Variants in SSH1 observed in about 807,000 individuals in gnomAD.
SSH1 encodes the protein slingshot protein phosphatase 1, also known as protein phosphatase Slingshot homolog 1.
Under a neutral mutation model 79.7 loss-of-function variants are expected in SSH1, and 43 were observed. The ratio of observed to expected loss-of-function variants is 0.54; its 90% confidence interval spans 0.42 to 0.70. The LOEUF is 0.70. Ranked by LOEUF, SSH1 falls within the 30% of genes least tolerant of loss-of-function variation. The probability of loss-of-function intolerance (pLI) is 0.00; values close to 1 mark genes in which losing one functional copy is unlikely to be tolerated. For synonymous variants in SSH1, 599 were observed against 538.3 expected, an observed-to-expected ratio of 1.11 and a Z score of -1.56; for missense variants, 1,206 against 1,358.8, an observed-to-expected ratio of 0.89 and a Z score of 1.77.
In SSH1 at chr12:108,792,803, C is replaced by T. The variant is rs781444832; in HGVS notation, c.1376G>A (p.Arg459His). 3.7e-5 allele frequency: 60 copies of T among 1,613,614 alleles called. No individual in the cohort carries two copies. Among genetic ancestry groups the T allele is most frequent in the Middle Eastern group, 1.7e-4 (1 of 6,020 alleles). ...ASKQRHNKLW[R>H]QQTDSSLQQP... ...CTGGAGGCTGCTGTCTGTCTGCTGA[C>T]GCCACAGCTTGTTGTGCCGCTGTTT... The change falls in exon 14 of 15, where the codon CGT becomes CAT. Residue 459 changes from arginine (R) to histidine (H), a missense_variant. By Grantham distance (29) the Arg-to-His change is conservative. This residue lies in a region of SSH1 where 166 missense variants were observed against 262.9 expected (regional missense o/e 0.63). Coordinates refer to ENST00000326495, the MANE Select transcript of SSH1 (RefSeq NM_018984.4).
chr12:108,823,394 C>T (rs367631035), intron 2 of SSH1, 33 bp from the exon 3 acceptor site: 21 of 1,522,884 alleles, frequency 1.4e-5, no homozygotes, highest in Admixed American at 7.8e-5. Context: ...ACAGTTAGAC[C>T]GGAATTCAGA....
Position 108,792,966 on chromosome 12 carries a change from G to T in SSH1, c.1350-137C>A, listed in dbSNP as rs2036579154. The T allele has an allele frequency of 1.3e-5, 13 of 1,007,946 alleles. 1 individual carries two copies. In the South Asian group the frequency reaches 1.9e-4, roughly 15 times the overall value. 62.4% of individuals were successfully genotyped at this position (1,007,946 alleles called of 1,614,324 possible). A position where few individuals can be genotyped will look rare whatever the true frequency, so the allele number is the denominator to read the frequency against. Reference sequence around the variant, plus strand: ...ACGATCCATGGCTCATTCAGGTAAAGCCTCTCTCTGTTCATTTGTTCCCAA... The same window carrying T: ...ACGATCCATGGCTCATTCAGGTAAATCCTCTCTCTGTTCATTTGTTCCCAA... On this transcript the variant is annotated intron_variant, in intron 13 of 14. Coordinates refer to ENST00000326495, the MANE Select transcript of SSH1 (RefSeq NM_018984.4).
In SSH1 at chr12:108,782,191, G is replaced by A. The variant is rs2036153728; in HGVS notation, c.*5797C>T. ...ATGGAAGCAGCTCTGCCTCCTGAGTGTCCAAGGGAGAAGAGCCACCAAAAG... is the reference window on the plus strand; with the variant it reads ...ATGGAAGCAGCTCTGCCTCCTGAGTATCCAAGGGAGAAGAGCCACCAAAAG... On this transcript the variant is annotated 3_prime_UTR_variant, in exon 15 of 15. Coordinates refer to ENST00000326495, the MANE Select transcript of SSH1 (RefSeq NM_018984.4). 1 of 151,046 alleles carries A rather than the reference G, an allele frequency of 6.6e-6. No homozygotes were observed. The highest frequency in any genetic ancestry group is 2.4e-5 in the African/African-American group (1 of 41,098). 9.4% of individuals were successfully genotyped at this position (151,046 alleles called of 1,614,324 possible). A position where few individuals can be genotyped will look rare whatever the true frequency, so the allele number is the denominator to read the frequency against.
chr12:108,837,818 G>A (rs138777160), intron 2 of SSH1, among the ~76,000 whole-genome samples: 2 of 150,866 alleles, frequency 1.3e-5, no homozygotes, highest in Non-Finnish European at 2.9e-5. Flanking sequence ...TTACTCTGTC[G>A]CCCAGGCTGG....
At chr12:108,835,458 A>C (rs1316229180) in intron 2 of SSH1, among the ~76,000 whole-genome samples, 1 of 151,998 alleles carries the variant, frequency 6.6e-6, no homozygotes, top group Non-Finnish European at 1.5e-5. Context: ...AAAACAAACA[A>C]ACACTGAGGC....
chr12:108,818,309 A>G lies in SSH1; in HGVS notation c.219T>C (p.Asp73=), dbSNP rs932133014. The G allele has an allele frequency of 1.9e-6, 3 of 1,613,774 alleles. No individual in the cohort carries two copies. In the African/African-American group the frequency reaches 4.0e-5, roughly 22 times the overall value. ...TCATCACCTGAAGATGTTGAGGCAG[A>G]TCACCTGTTGGACCAATAAAGAAAG... is the stretch of plus-strand genomic sequence containing the variant. ...SLQHPHKHAG[D]LPQHLQVMIN... Residue 73 remains aspartate (D), a synonymous_variant, in exon 4 of 15, where the codon GAT becomes GAC. Coordinates refer to ENST00000326495, the MANE Select transcript of SSH1 (RefSeq NM_018984.4).
chr12:108,814,997 G>A (rs939911378), intron 5 of SSH1, among the ~76,000 whole-genome samples: 4 of 152,222 alleles, frequency 2.6e-5, no homozygotes, highest in Admixed American at 6.5e-5. Context: ...TGTGTCTGCC[G>A]TGCTCCCTGA....
At chr12:108,827,800 G>T (rs1346855601) in intron 2 of SSH1, among the ~76,000 whole-genome samples, 2 of 152,180 alleles carry the variant, frequency 1.3e-5, no homozygotes, top group African/African-American at 4.8e-5. Context: ...TTTACCCAAC[G>T]GTGACGGTGA....
chr12:108,819,755 G>C (rs1400703506), intron 3 of SSH1, among the ~76,000 whole-genome samples: 2 of 152,102 alleles, frequency 1.3e-5, no homozygotes, highest in Non-Finnish European at 2.9e-5. Flanking sequence ...CTGGAGCCCA[G>C]GAGTTTGAGA....
Position 108,813,406 on chromosome 12 carries a change from C to A in SSH1, c.402-2078G>T, listed in dbSNP as rs562796120. Among the ~76,000 whole-genome samples, 3 of 152,012 alleles carry A rather than the reference C, an allele frequency of 2.0e-5. No homozygotes were observed. In the South Asian group the frequency reaches 6.2e-4, roughly 32 times the overall value. On this transcript the variant is annotated intron_variant, in intron 5 of 14. Transcript: ENST00000326495. ...TACACTCATGGCATTCAAAATGTTC[C>A]CAATCCGAATCGAAAACATAATCCT...
At chr12:108,819,124 T>G (rs1427193611) in intron 3 of SSH1, among the ~76,000 whole-genome samples, 1 of 152,092 alleles carries the variant, frequency 6.6e-6, no homozygotes, top group African/African-American at 2.4e-5. Flanking sequence ...CGGGGGGAAA[T>G]GTTTAAGTGA....
chr12:108,833,357 C>A (rs372124032), intron 2 of SSH1, among the ~76,000 whole-genome samples: 1 of 152,132 alleles, frequency 6.6e-6, no homozygotes, highest in Non-Finnish European at 1.5e-5. Flanking sequence ...CTGCACTGTG[C>A]GGGAAATGCT....
At chr12:108,815,707 C>T (rs2037852883) in intron 5 of SSH1, among the ~76,000 whole-genome samples, 2 of 152,216 alleles carry the variant, frequency 1.3e-5, no homozygotes, top group South Asian at 4.1e-4. Context: ...CATCCGAACA[C>T]CTCCTATGCT....
intron 2 of SSH1, chr12:108,827,415 A>G (rs1440539176): frequency 5.0e-6 from 7 of 1,408,398 alleles, no homozygotes; most frequent in Non-Finnish European, 3.7e-6. Context: ...TCTGCTCCCT[A>G]TGGAGATCAG....
chr12:108,826,177 C>T (rs1472349887), intron 2 of SSH1: 2 of 453,668 alleles, frequency 4.4e-6, no homozygotes, highest in East Asian at 1.4e-4. Context: ...AGCAAAAATT[C>T]CCCTTGGTTT....
At chr12:108,839,665 A>C (rs998631762) in intron 2 of SSH1, among the ~76,000 whole-genome samples, 1 of 152,160 alleles carries the variant, frequency 6.6e-6, no homozygotes, top group African/African-American at 2.4e-5. Flanking sequence ...AAATAGCTTC[A>C]AAAGTAACCA....
chr12:108,795,072 C>G (rs566583998), intron 13 of SSH1, among the ~76,000 whole-genome samples: 4 of 152,274 alleles, frequency 2.6e-5, no homozygotes, highest in African/African-American at 9.6e-5. Context: ...CATCCTTTCC[C>G]CTTAAAATTT....
chr12:108,850,875 G>A (rs559505806), intron 2 of SSH1, among the ~76,000 whole-genome samples: 89 of 149,222 alleles, frequency 6.0e-4, no homozygotes, highest in African/African-American at 2.1e-3. Flanking sequence ...GGGGAGATTT[G>A]GGGGGAAGGG....
chr12:108,803,868 T>TA (rs771649203), intron 10 of SSH1, among the ~76,000 whole-genome samples: 1 of 152,240 alleles, frequency 6.6e-6, no homozygotes, highest in South Asian at 2.1e-4. Flanking sequence ...AGAAATGTAT[T>TA]AAAAAATATA....
Sources: allele counts gnomAD v4.1 joint callset (sites outside exome capture counted in the v4.1 genomes callset), GRCh38; gene constraint gnomAD v4.1.1; regional missense constraint gnomAD v4.1.1; transcripts MANE v1.5; gene names NCBI Gene and HGNC (gene_info 2026-07-23, HGNC 2026-07-21).